Variants in FRYL observed in about 807,000 individuals in gnomAD.
The protein encoded by FRYL is FRY like transcription coactivator.
FRYL carries 150 observed loss-of-function variants against 351.2 expected under a neutral mutation model. The ratio of observed to expected loss-of-function variants is 0.43; its 90% confidence interval spans 0.37 to 0.49. The LOEUF (loss-of-function observed/expected upper bound fraction) is 0.49. Ranked by LOEUF, FRYL falls within the 20% of genes least tolerant of loss-of-function variation. FRYL has a pLI of 0.00. For missense variants in FRYL, 3,036 were observed against 3,619.3 expected, an observed-to-expected ratio of 0.84 and a Z score of 4.13; for synonymous variants, 1,153 against 1,257.1, an observed-to-expected ratio of 0.92 and a Z score of 1.75.
intron 3 of FRYL, among the ~76,000 whole-genome samples, chr4:48,677,649 G>T (rs1194482794): frequency 6.6e-6 from 1 of 152,142 alleles, no homozygotes; most frequent in Non-Finnish European, 1.5e-5. Flanking sequence ...GACCTCAGGT[G>T]ATCCGCCTGC....
rs189866031 is a variant in FRYL at position 48,568,077 on chromosome 4, C to G, written c.2997-657G>C. Among the ~76,000 whole-genome samples the G allele has an allele frequency of 1.0e-3, 156 of 152,298 alleles. 1 individual carries two copies. The highest frequency in any genetic ancestry group is 3.6e-3 in the African/African-American group (151 of 41,568). On this transcript the variant is annotated intron_variant, in intron 27 of 63. Coordinates refer to ENST00000358350, the MANE Select transcript of FRYL (RefSeq NM_015030.2). ...TCCAAGAGATTGACACCAGCCTGTG[C>G]AACATGGTGAAACCCCATCTCTACA...
intron 2 of FRYL, among the ~76,000 whole-genome samples, chr4:48,695,497 T>C (rs1421654997): frequency 1.3e-5 from 2 of 151,986 alleles, no homozygotes; most frequent in African/African-American, 4.8e-5. Flanking sequence ...AATATATATA[T>C]ATATATTTGT....
intron 1 of FRYL, among the ~76,000 whole-genome samples, chr4:48,745,688 CACATGTAT>C (rs1291035293): frequency 6.6e-6 from 1 of 152,064 alleles, no homozygotes; most frequent in African/African-American, 2.4e-5. Context: ...ACCAACATGG[CACATGTAT>C]ACATATGTAA....
At chr4:48,698,249 C>T (rs1766393422) in intron 2 of FRYL, among the ~76,000 whole-genome samples, 1 of 152,214 alleles carries the variant, frequency 6.6e-6, no homozygotes, top group East Asian at 1.9e-4. Context: ...CTCCTGTTAC[C>T]AGAAGACTTA....
chr4:48,563,243 G>A (rs1264660159), intron 31 of FRYL, among the ~76,000 whole-genome samples: 2 of 148,880 alleles, frequency 1.3e-5, no homozygotes, highest in East Asian at 3.9e-4. Flanking sequence ...ATTGTCTTGT[G>A]TCACACATAA....
intron 17 of FRYL, among the ~76,000 whole-genome samples, chr4:48,590,271 G>A (rs1244229390): frequency 1.3e-5 from 2 of 152,032 alleles, no homozygotes; most frequent in African/African-American, 4.8e-5. Flanking sequence ...ATCACTTGGG[G>A]TCAGGAGTTC....
intron 5 of FRYL, 22 bp downstream of exon 5, chr4:48,623,104 A>C: frequency 6.5e-7 from 1 of 1,544,504 alleles, no homozygotes. Flanking sequence ...GGGAAAAAAA[A>C]ATTCTCCCAA....
chr4:48,773,336 T>C (rs13122482), intron 1 of FRYL, among the ~76,000 whole-genome samples: 2 of 152,174 alleles, frequency 1.3e-5, no homozygotes, highest in Non-Finnish European at 1.5e-5. Flanking sequence ...GCAAGAGTAA[T>C]GCAAATCCAT....
chr4:48,502,085 T>G (rs1446709624), intron 61 of FRYL, among the ~76,000 whole-genome samples: 1 of 152,202 alleles, frequency 6.6e-6, no homozygotes, highest in Non-Finnish European at 1.5e-5. Context: ...ACTTTTGCCC[T>G]CATTGAGATG....
intron 53 of FRYL, among the ~76,000 whole-genome samples, chr4:48,523,977 CA>C (rs1725441450): frequency 6.6e-6 from 1 of 152,122 alleles, no homozygotes; most frequent in Admixed American, 6.6e-5. Context: ...GGAAATATGA[CA>C]AATTTCAATT....
intron 13 of FRYL, 70 bp downstream of exon 13, chr4:48,601,950 G>T: frequency 1.1e-6 from 1 of 874,724 alleles, no homozygotes. Flanking sequence ...ATTATGCACT[G>T]TTCAATTTAT....
chr4:48,636,389 C>G (rs1754245508), intron 3 of FRYL, among the ~76,000 whole-genome samples: 1 of 151,982 alleles, frequency 6.6e-6, no homozygotes, highest in African/African-American at 2.4e-5. Context: ...TATAAAGTTT[C>G]TCCGGCTTTA....
intron 2 of FRYL, among the ~76,000 whole-genome samples, chr4:48,691,284 T>C (rs1385905430): frequency 6.6e-6 from 1 of 152,186 alleles, no homozygotes; most frequent in African/African-American, 2.4e-5. Flanking sequence ...AAGACGTTCA[T>C]TGTACTATTA....
rs1296982575 is a variant in FRYL at position 48,527,478 on chromosome 4, T to C, written c.7316A>G (p.Glu2439Gly). The change falls in exon 53 of 64, where the codon GAG becomes GGG. Residue 2439 changes from glutamate (E) to glycine (G), a missense_variant and splice_region_variant. Physicochemically the swap from Glu to Gly is moderately conservative, Grantham distance 98 (BLOSUM62 -2). Around this residue, in one of 7 missense-constraint regions of FRYL, gnomAD observed 1,987 missense variants for 2,311.7 expected, o/e 0.86. Transcript: ENST00000358350. ...AACAGAGAAAGCCCACATCCTTACC[T>C]CTGCATCTTCCAATTCAACATCTAA... ...DFLDVELEDA[E>G]GESMDNFNWG... 1 of 1,610,206 alleles carries C rather than the reference T, an allele frequency of 6.2e-7. No homozygotes were observed. The highest frequency in any genetic ancestry group is 1.7e-5 in the Admixed American group (1 of 59,916).
chr4:48,759,846 C>T (rs1296772704), intron 1 of FRYL, among the ~76,000 whole-genome samples: 1 of 152,170 alleles, frequency 6.6e-6, no homozygotes, highest in Non-Finnish European at 1.5e-5. Context: ...ATTACAAGGT[C>T]AGCTGATTAG....
In FRYL at chr4:48,526,580, G is replaced by A. The variant is rs183871315; in HGVS notation, c.7317+897C>T. ...CTCCTTCAAACACTGCTGTGTGTGG[G>A]GCTAAGATTACCCAGCAATGAAGAC... On this transcript the variant is annotated intron_variant, in intron 53 of 63. Transcript: ENST00000358350. Among the ~76,000 whole-genome samples the A allele has an allele frequency of 2.3e-3, 351 of 152,262 alleles. 1 individual carries two copies. The highest frequency in any genetic ancestry group is 5.4e-3 in the South Asian group (26 of 4,828).
At chr4:48,507,825 CA>C (rs1297319634) in intron 59 of FRYL, among the ~76,000 whole-genome samples, 1 of 152,154 alleles carries the variant, frequency 6.6e-6, no homozygotes, top group Non-Finnish European at 1.5e-5. Flanking sequence ...CGCCTTAGAA[CA>C]CTTGCTGTTC....
rs534804754 is a variant in FRYL at position 48,541,192 on chromosome 4, T to C, written c.5688-232A>G. 7.9e-5 allele frequency among the ~76,000 whole-genome samples: 12 copies of C among 152,312 alleles called. No individual in the cohort carries two copies. In the South Asian group the frequency reaches 2.1e-3, roughly 26 times the overall value. On this transcript the variant is annotated intron_variant, in intron 45 of 63. Transcript: ENST00000358350. ...CCTTTGAGTTGAAAGGAGGCTCTAC[T>C]TGCTGAGAAAATTCTGCTATAGTAA... is the stretch of plus-strand genomic sequence containing the variant.
chr4:48,666,903 C>T (rs984668356), intron 3 of FRYL, among the ~76,000 whole-genome samples: 3 of 152,024 alleles, frequency 2.0e-5, no homozygotes, highest in Non-Finnish European at 4.4e-5. Flanking sequence ...AGTAAAAGAA[C>T]TAAGTATAAG....
Sources: allele counts gnomAD v4.1 joint callset (sites outside exome capture counted in the v4.1 genomes callset), GRCh38; gene constraint gnomAD v4.1.1; regional missense constraint gnomAD v4.1.1; transcripts MANE v1.5; gene names NCBI Gene and HGNC (gene_info 2026-07-23, HGNC 2026-07-21).